TTBK2: variants seen among roughly 807,000 people sequenced by gnomAD.
The protein encoded by TTBK2 is tau tubulin kinase 2.
Under a neutral mutation model 110.8 loss-of-function variants are expected in TTBK2, and 28 were observed. The ratio of observed to expected loss-of-function variants is 0.25; its 90% confidence interval spans 0.19 to 0.35. The LOEUF (loss-of-function observed/expected upper bound fraction) is 0.35. Ranked by LOEUF, TTBK2 falls within the 10% of genes least tolerant of loss-of-function variation. The pLI is 1.00. For synonymous variants in TTBK2, 532 were observed against 527.3 expected (o/e 1.01, Z -0.12); for missense variants, 1,369 against 1,500.3 (o/e 0.91, Z 1.45).
At chr15:42,893,118 T>C (rs1039533743) in intron 1 of TTBK2, among the ~76,000 whole-genome samples, 1 of 151,774 alleles carries the variant, frequency 6.6e-6, no homozygotes, top group Non-Finnish European at 1.5e-5. Flanking sequence ...TTAGAAAATA[T>C]TTGAATTGAA....
chr15:42,854,078 G>A (rs868435627), intron 3 of TTBK2, among the ~76,000 whole-genome samples: 24 of 152,074 alleles, frequency 1.6e-4, no homozygotes, highest in African/African-American at 3.9e-4. Context: ...TGGGTCCACC[G>A]GCGCACATGA....
At chr15:42,840,659 T>C (rs1893184588) in intron 3 of TTBK2, 4 of 608,044 alleles carry the variant, frequency 6.6e-6, no homozygotes, top group South Asian at 1.7e-5. Flanking sequence ...AATGAATAAA[T>C]AAACAATATA....
At chr15:42,800,852 G>A (rs1891160275) in intron 9 of TTBK2, 1 of 592,576 alleles carries the variant, frequency 1.7e-6, no homozygotes, top group Admixed American at 3.0e-5. Context: ...CGGATGGGCT[G>A]AGGGCTAGGG....
In TTBK2 at chr15:42,817,020, T is replaced by A. The variant is rs1334082643; in HGVS notation, c.603+12A>T. The A allele has an allele frequency of 6.3e-7, 1 of 1,593,634 alleles. No homozygotes were observed. The highest frequency in any genetic ancestry group is 1.1e-5 in the South Asian group (1 of 90,800). ...ATACTTATACAGATATGACTCTAGTTCAGATACCTACCCTGTTCCGATGTG... is the reference window on the plus strand; with the variant it reads ...ATACTTATACAGATATGACTCTAGTACAGATACCTACCCTGTTCCGATGTG... On this transcript the variant is annotated intron_variant, in intron 7 of 14. Coordinates refer to ENST00000267890, the MANE Select transcript of TTBK2 (RefSeq NM_173500.4).
intron 1 of TTBK2, among the ~76,000 whole-genome samples, chr15:42,896,355 T>C (rs1234779115): frequency 1.3e-5 from 2 of 152,006 alleles, no homozygotes; most frequent in Non-Finnish European, 2.9e-5. Context: ...GTAATAATAA[T>C]AATACAGAAA....
chr15:42,829,918 T>A lies in TTBK2; in HGVS notation c.432+20A>T. On this transcript the variant is annotated intron_variant, in intron 5 of 14. Transcript: ENST00000267890. The stretch of plus-strand genomic sequence containing the variant: ...AAAGTATCAAACTCATTCTGTGCTC[T>A]GGATAGAAAAGGTCCCTACCGGTTT... The A allele has an allele frequency of 6.2e-7, 1 of 1,614,040 alleles. No homozygotes were observed. The highest frequency in any genetic ancestry group is 8.5e-7 in the Non-Finnish European group (1 of 1,179,934).
At chr15:42,864,410 C>A (rs1033221953) in intron 3 of TTBK2, among the ~76,000 whole-genome samples, 21 of 152,010 alleles carry the variant, frequency 1.4e-4, no homozygotes, top group Non-Finnish European at 2.9e-4. Context: ...CATGGAAAAA[C>A]CCCATATCTG....
At chr15:42,785,745 T>G (rs940779162) in intron 10 of TTBK2, among the ~76,000 whole-genome samples, 2 of 149,994 alleles carry the variant, frequency 1.3e-5, no homozygotes, top group African/African-American at 2.4e-5. Flanking sequence ...CTAGGGTTTT[T>G]TTTTTTTTTT....
In TTBK2 at chr15:42,916,243, G is replaced by A. The variant is rs185048233; in HGVS notation, c.-68+4195C>T. On this transcript the variant is annotated intron_variant, in intron 1 of 14. Coordinates refer to ENST00000267890, the MANE Select transcript of TTBK2 (RefSeq NM_173500.4). ...TTTCTTAAATCAAATTTCCATGAGA[G>A]GCAAGGCTCACATTTTTTTCTTTGG... Among the ~76,000 whole-genome samples the A allele has an allele frequency of 5.3e-5, 8 of 152,182 alleles. No homozygotes were observed. In the East Asian group the frequency reaches 1.4e-3, roughly 26 times the overall value.
At chr15:42,918,951 A>G (rs2031229936) in intron 1 of TTBK2, among the ~76,000 whole-genome samples, 1 of 152,204 alleles carries the variant, frequency 6.6e-6, no homozygotes. Flanking sequence ...TTGATATTAT[A>G]TATTAAATTA....
At chr15:42,828,981 C>T (rs1199670316) in intron 5 of TTBK2, among the ~76,000 whole-genome samples, 1 of 151,910 alleles carries the variant, frequency 6.6e-6, no homozygotes, top group Non-Finnish European at 1.5e-5. Context: ...TAATATTGTT[C>T]TACTTAGGGG....
chr15:42,852,019 C>T (rs1304105272), intron 3 of TTBK2, among the ~76,000 whole-genome samples: 2 of 151,638 alleles, frequency 1.3e-5, no homozygotes, highest in East Asian at 1.9e-4. Flanking sequence ...TCTACCATAT[C>T]GTTAGCACTC....
At chr15:42,806,320 C>T (rs1020325215) in intron 9 of TTBK2, among the ~76,000 whole-genome samples, 11 of 152,174 alleles carry the variant, frequency 7.2e-5, no homozygotes, top group Admixed American at 5.2e-4. Context: ...CTTTCCAAGG[C>T]ACAGCTCAGC....
At chr15:42,852,979 G>T (rs967612944) in intron 3 of TTBK2, among the ~76,000 whole-genome samples, 1 of 152,134 alleles carries the variant, frequency 6.6e-6, no homozygotes, top group Admixed American at 6.5e-5. Context: ...CCCACAAAAG[G>T]TCCCTGTGGA....
intron 3 of TTBK2, among the ~76,000 whole-genome samples, chr15:42,840,819 A>ATATGT (rs1338086993): frequency 4.6e-5 from 7 of 152,182 alleles, no homozygotes; most frequent in African/African-American, 1.7e-4. Flanking sequence ...TGAATTTCAG[A>ATATGT]TATGTTATGG....
In TTBK2 at chr15:42,903,952, A is replaced by C. The variant is rs114463876; in HGVS notation, c.-68+16486T>G. On this transcript the variant is annotated intron_variant, in intron 1 of 14. Coordinates refer to ENST00000267890, the MANE Select transcript of TTBK2 (RefSeq NM_173500.4). Reference sequence around the variant, plus strand: ...AAGAATTGAGGCAGCTTCTGCTAGAATATTACATGATTCTGCTTATAATAG... The same window carrying C: ...AAGAATTGAGGCAGCTTCTGCTAGACTATTACATGATTCTGCTTATAATAG... Among the ~76,000 whole-genome samples, 558 of 152,338 alleles carry C rather than the reference A, an allele frequency of 3.7e-3. 3 individuals carry two copies. Among genetic ancestry groups the C allele is most frequent in the African/African-American group, 0.013 (522 of 41,570 alleles).
chr15:42,912,563 T>C (rs894411933), intron 1 of TTBK2, among the ~76,000 whole-genome samples: 2 of 151,782 alleles, frequency 1.3e-5, no homozygotes, highest in African/African-American at 4.8e-5. Context: ...GCAAAAAAAT[T>C]AGCTGGGCCT....
chr15:42,827,712 A>G (rs985324232), intron 6 of TTBK2, among the ~76,000 whole-genome samples: 1 of 152,220 alleles, frequency 6.6e-6, no homozygotes, highest in Non-Finnish European at 1.5e-5. Context: ...TGTTCTTACT[A>G]TAAGACCACT....
chr15:42,762,079 C>G (rs1476369297), intron 13 of TTBK2, among the ~76,000 whole-genome samples: 1 of 152,194 alleles, frequency 6.6e-6, no homozygotes, highest in African/African-American at 2.4e-5. Context: ...TCCTCCTTGC[C>G]TTCCACCATG....
Sources: gnomAD v4.1 joint callset for allele counts (sites outside exome capture counted in the v4.1 genomes callset) on GRCh38, gnomAD v4.1.1 for gene constraint, MANE v1.5 for transcripts, NCBI Gene and HGNC (gene_info 2026-07-23, HGNC 2026-07-21) for gene names.